ZNF667: variants seen among roughly 807,000 people sequenced by gnomAD.
ZNF667 encodes the protein myocardial ischemic preconditioning upregulated 1 ortholog.
ZNF667 carries 13 observed loss-of-function variants against 31.8 expected under a neutral mutation model. The ratio of observed to expected loss-of-function variants is 0.41; its 90% CI spans 0.27 to 0.65. ZNF667 has a LOEUF of 0.65. ZNF667 is among the 30% of genes least tolerant of loss of function. The pLI is 0.32. For missense variants in ZNF667, 642 were observed against 725.6 expected, an observed-to-expected ratio of 0.88 and a Z score of 1.32; for synonymous variants, 228 against 247.1, an observed-to-expected ratio of 0.92 and a Z score of 0.73.
At chr19:56,448,383 G>A (rs1409351896) in intron 6 of ZNF667, among the ~76,000 whole-genome samples, 1 of 152,148 alleles carries the variant, frequency 6.6e-6, no homozygotes, top group Non-Finnish European at 1.5e-5. Context: ...GGTGTCCTAA[G>A]TAAATCTGAA....
intron 6 of ZNF667, chr19:56,444,300 C>A: frequency 5.0e-6 from 2 of 398,188 alleles, no homozygotes; most frequent in Non-Finnish European, 8.9e-6. Context: ...TGGTGAAAGA[C>A]GAAGTAGGAG....
At chr19:56,463,739 T>C (rs559674444) in intron 3 of ZNF667, among the ~76,000 whole-genome samples, 3 of 152,246 alleles carry the variant, frequency 2.0e-5, no homozygotes, top group South Asian at 2.1e-4. Context: ...TTGCCCAGGC[T>C]GGTCTCAAAC....
chr19:56,465,287 G>T (rs1334228436), intron 3 of ZNF667, among the ~76,000 whole-genome samples: 1 of 152,236 alleles, frequency 6.6e-6, no homozygotes, highest in Non-Finnish European at 1.5e-5. Flanking sequence ...CCGTAGGGGT[G>T]GAGGTAGAAG....
chr19:56,450,559 CAGAT>C (rs1191509755), intron 6 of ZNF667, among the ~76,000 whole-genome samples: 1 of 152,014 alleles, frequency 6.6e-6, no homozygotes, highest in Admixed American at 6.6e-5. Context: ...AGTAACTGCA[CAGAT>C]AAATACAAAA....
intron 3 of ZNF667, among the ~76,000 whole-genome samples, chr19:56,465,274 T>C (rs1023482512): frequency 2.6e-5 from 4 of 152,322 alleles, no homozygotes; most frequent in African/African-American, 9.6e-5. Context: ...GTTTGTTTCG[T>C]CCCCGTAGGG....
chr19:56,473,406 A>G lies in ZNF667; in HGVS notation c.-549+606T>C, dbSNP rs547904684. Among the ~76,000 whole-genome samples, 18 of 152,338 alleles carry G rather than the reference A, an allele frequency of 1.2e-4. No individual in the cohort carries two copies. The South Asian group carries it at 3.7e-3, about 32-fold the overall frequency. The stretch of plus-strand genomic sequence containing the variant: ...AAGCAGGGCCAATGCTAAGATTTTC[A>G]TTATTACTACCACCATCAGGAGATT... On this transcript the variant is annotated intron_variant, in intron 2 of 6. Coordinates refer to ENST00000504904, the MANE Select transcript of ZNF667 (RefSeq NM_001321356.2).
At position 56,441,020 on chromosome 19, in the gene ZNF667, C is replaced by T. The variant is rs1440973962; in HGVS notation, c.*142G>A. On this transcript the variant is annotated 3_prime_UTR_variant, in exon 7 of 7. Coordinates refer to ENST00000504904, the MANE Select transcript of ZNF667 (RefSeq NM_001321356.2). The surrounding 1 kb of genome is among the most constrained non-coding windows in gnomAD (Gnocchi z 4.2). The stretch of plus-strand genomic sequence containing the variant: ...ATTTCAAATCCTGAGGTCAAAATCA[C>T]CAATGACTTTTGCTCTTTGGCTTTC... 1 of 1,440,308 alleles carries T rather than the reference C, an allele frequency of 6.9e-7. No individual in the cohort carries two copies. The highest frequency in any genetic ancestry group is 1.4e-5 in the African/African-American group (1 of 70,360). 89.2% of individuals were successfully genotyped at this position (1,440,308 alleles called of 1,614,324 possible). A position where few individuals can be genotyped will look rare whatever the true frequency, so the allele number is the denominator to read the frequency against.
rs747786320 is a variant in ZNF667, at chr19:56,442,434, G to A, written c.561C>T (p.Ile187=). ...CRKAFRQISS[I]LLHQRIHSGK... Reference sequence around the variant, plus strand: ...CACTGTGAATTCTCTGATGAAGTAGGATGGATGAGATCTGTCTGAAAGCTT... The same window carrying A: ...CACTGTGAATTCTCTGATGAAGTAGAATGGATGAGATCTGTCTGAAAGCTT... The change falls in exon 7 of 7, where the codon ATC becomes ATT. Residue 187 remains isoleucine (I), a synonymous_variant. Coordinates refer to ENST00000504904, the MANE Select transcript of ZNF667 (RefSeq NM_001321356.2). The A allele has an allele frequency of 1.2e-6, 2 of 1,614,090 alleles. No homozygotes were observed. The highest frequency in any genetic ancestry group is 2.2e-5 in the South Asian group (2 of 91,078).
At chr19:56,442,853 A>G (rs1394012048) in intron 6 of ZNF667, 112 bp from the exon 7 acceptor site, 3 of 1,343,756 alleles carry the variant, frequency 2.2e-6, no homozygotes, top group African/African-American at 2.9e-5. Context: ...TATGATTACC[A>G]AAACATAACT....
chr19:56,444,463 A>AATC (rs1187887013), intron 6 of ZNF667, among the ~76,000 whole-genome samples: 2 of 152,044 alleles, frequency 1.3e-5, no homozygotes, highest in Non-Finnish European at 2.9e-5. Flanking sequence ...CCCATGATCC[A>AATC]ATCACCTCCC....
Position 56,458,159 on chromosome 19 carries a change from A to G in ZNF667, c.249T>C (p.Ala83=). ...WMVEPVRRRR[A]PDSGSKCETK... is the part of the protein sequence containing the mutation. ...CCTTGGTTCTCTGTCACTCACCAGGAGCCCGGCGTCTTCTTACTGGCTCTA... is the reference window on the plus strand; with the variant it reads ...CCTTGGTTCTCTGTCACTCACCAGGGGCCCGGCGTCTTCTTACTGGCTCTA... The change falls in exon 6 of 7, where the codon GCT becomes GCC. Residue 83 remains alanine, a synonymous_variant. Transcript: ENST00000504904. The G allele has an allele frequency of 6.2e-7, 1 of 1,614,170 alleles. No homozygotes were observed. Among genetic ancestry groups the G allele is most frequent in the South Asian group, 1.1e-5 (1 of 91,080 alleles).
rs564614606 is a variant in ZNF667 at position 56,477,163 on chromosome 19, G to C, written c.-662+109C>G. 3.3e-5 allele frequency: 5 copies of C among 152,320 alleles called. No homozygotes were observed. The East Asian group carries it at 9.7e-4, about 30-fold the overall frequency. 9.4% of individuals were successfully genotyped at this position (152,320 alleles called of 1,614,324 possible). ...CGCAAGCACCCGCGCAGACGCCCAC[G>C]CCATCGTGGATGCGCAAACCCACGC... On this transcript the variant is annotated intron_variant, in intron 1 of 6. Coordinates refer to ENST00000504904, the MANE Select transcript of ZNF667 (RefSeq NM_001321356.2).
At chr19:56,465,323 T>G (rs532132548) in intron 3 of ZNF667, among the ~76,000 whole-genome samples, 1 of 152,322 alleles carries the variant, frequency 6.6e-6, no homozygotes, top group African/African-American at 2.4e-5. Context: ...CCATCAGGCT[T>G]GAGTTCAGAG....
At chr19:56,443,929 A>G (rs888217946) in intron 6 of ZNF667, among the ~76,000 whole-genome samples, 7 of 152,220 alleles carry the variant, frequency 4.6e-5, no homozygotes, top group African/African-American at 1.2e-4. Flanking sequence ...GCTATCCAAT[A>G]TAGTAGCCAT....
intron 3 of ZNF667, among the ~76,000 whole-genome samples, chr19:56,467,303 G>T (rs895606802): frequency 6.6e-6 from 1 of 152,094 alleles, no homozygotes; most frequent in Non-Finnish European, 1.5e-5. Context: ...CCATGAATAT[G>T]GCACCTTACA....
chr19:56,472,240 T>C (rs779947918), intron 2 of ZNF667, 53 bp from the exon 3 acceptor site: 9 of 152,190 alleles, frequency 5.9e-5, no homozygotes, highest in Non-Finnish European at 1.2e-4. Context: ...ATTCAAAGCT[T>C]GCCTCTGCCA....
In ZNF667 at chr19:56,457,212, G is replaced by A. The variant is rs142216885; in HGVS notation, c.253+943C>T. ...GAAAAGTAGCTGAAAAGAACACTTG[G>A]AGAAAAGAGTTAAAAAATATTTTTA... On this transcript the variant is annotated intron_variant, in intron 6 of 6. Coordinates refer to ENST00000504904, the MANE Select transcript of ZNF667 (RefSeq NM_001321356.2). Among the ~76,000 whole-genome samples, 369 of 152,282 alleles carry A rather than the reference G, an allele frequency of 2.4e-3. 1 individual carries two copies. Among genetic ancestry groups the A allele is most frequent in the African/African-American group, 8.2e-3 (341 of 41,552 alleles).
chr19:56,464,818 C>A (rs2079005371), intron 3 of ZNF667, among the ~76,000 whole-genome samples: 1 of 152,194 alleles, frequency 6.6e-6, no homozygotes, highest in Non-Finnish European at 1.5e-5. Context: ...TAGCATAGAG[C>A]AGGTGCTCAA....
chr19:56,464,265 AG>A (rs1328208299), intron 3 of ZNF667, among the ~76,000 whole-genome samples: 1 of 152,236 alleles, frequency 6.6e-6, no homozygotes, highest in African/African-American at 2.4e-5. Flanking sequence ...AGGCTGATGC[AG>A]GAGGATCACC....
Sources: gnomAD v4.1 joint callset for allele counts (sites outside exome capture counted in the v4.1 genomes callset) on GRCh38, gnomAD v4.1.1 for gene constraint, Gnocchi (gnomAD v3.1) non-coding constraint, MANE v1.5 for transcripts, NCBI Gene and HGNC (gene_info 2026-07-23, HGNC 2026-07-21) for gene names.